ANGPT1: variants seen among roughly 807,000 people sequenced by gnomAD.
The protein encoded by ANGPT1 is angiopoietin 1.
ANGPT1 carries 17 observed loss-of-function variants against 62.2 expected under a neutral mutation model. The observed-to-expected ratio is 0.27, with a 90% CI of 0.19 to 0.41. The LOEUF is 0.41. Among genes scored for constraint, ANGPT1 ranks in the 10% least tolerant of loss-of-function variants. The probability of loss-of-function intolerance (pLI) is 1.00; values close to 1 mark genes in which losing one functional copy is unlikely to be tolerated. For missense variants in ANGPT1, 478 were observed against 594.9 expected, an observed-to-expected ratio of 0.80 and a Z score of 2.04; for synonymous variants, 199 against 198.9, an observed-to-expected ratio of 1.00 and a Z score of 0.00.
intron 1 of ANGPT1, among the ~76,000 whole-genome samples, chr8:107,378,906 G>A (rs71531250): frequency 0.14 from 19,861 of 146,764 alleles, 1,635 homozygotes; most frequent in Middle Eastern, 0.29. Context: ...GTGTGAAAAT[G>A]AACAAATATA....
At chr8:107,310,343 G>A (rs1403094377) in intron 4 of ANGPT1, among the ~76,000 whole-genome samples, 1 of 152,162 alleles carries the variant, frequency 6.6e-6, no homozygotes, top group East Asian at 1.9e-4. Context: ...CTTGTAAGTA[G>A]TAGAACTCTC....
chr8:107,280,446 G>A (rs1181706102), intron 7 of ANGPT1, among the ~76,000 whole-genome samples: 1 of 152,128 alleles, frequency 6.6e-6, no homozygotes, highest in East Asian at 1.9e-4. Context: ...GGAAGTGGAA[G>A]AAAGAAGCGC....
intron 1 of ANGPT1, among the ~76,000 whole-genome samples, chr8:107,434,028 A>G (rs1473846471): frequency 2.0e-5 from 3 of 152,236 alleles, no homozygotes; most frequent in African/African-American, 4.8e-5. Flanking sequence ...GTTTCAAAAT[A>G]TCATACTCAG....
At chr8:107,422,067 T>C (rs544178754) in intron 1 of ANGPT1, among the ~76,000 whole-genome samples, 2 of 152,262 alleles carry the variant, frequency 1.3e-5, no homozygotes, top group South Asian at 4.1e-4. Flanking sequence ...ACCTCTAAAA[T>C]TTACTAAAAT....
chr8:107,269,623 G>A (rs548071349), intron 7 of ANGPT1, among the ~76,000 whole-genome samples: 40 of 152,046 alleles, frequency 2.6e-4, no homozygotes, highest in African/African-American at 9.2e-4. Context: ...TGTAGACATG[G>A]CCTGTATGAA....
intron 6 of ANGPT1, among the ~76,000 whole-genome samples, chr8:107,293,545 T>A (rs1425149453): frequency 6.6e-6 from 1 of 152,142 alleles, no homozygotes; most frequent in Non-Finnish European, 1.5e-5. Flanking sequence ...CCAGCAACAA[T>A]TAGCCAGTTA....
At chr8:107,297,898 T>TA (rs1218738555) in intron 5 of ANGPT1, among the ~76,000 whole-genome samples, 2 of 151,700 alleles carry the variant, frequency 1.3e-5, no homozygotes, top group African/African-American at 2.4e-5. Flanking sequence ...GAAGGAAATT[T>TA]AAAAAAATAG....
At chr8:107,407,535 T>C (rs919822) in intron 1 of ANGPT1, among the ~76,000 whole-genome samples, 72,887 of 151,884 alleles carry the variant, frequency 0.48, 19,239 homozygotes, top group Middle Eastern at 0.6. Context: ...TACCTGGACC[T>C]CATTCAAGGG....
chr8:107,288,819 A>C (rs971088672), intron 6 of ANGPT1, among the ~76,000 whole-genome samples: 2 of 152,132 alleles, frequency 1.3e-5, no homozygotes, highest in African/African-American at 4.8e-5. Flanking sequence ...ATTCATATTC[A>C]TGCCTAAAAG....
At chr8:107,316,206 T>G (rs973916602) in intron 4 of ANGPT1, among the ~76,000 whole-genome samples, 1 of 152,186 alleles carries the variant, frequency 6.6e-6, no homozygotes, top group Non-Finnish European at 1.5e-5. Context: ...CATTTACCCC[T>G]GTTTAATATG....
chr8:107,376,580 T>C (rs1816535169), intron 1 of ANGPT1, among the ~76,000 whole-genome samples: 1 of 152,200 alleles, frequency 6.6e-6, no homozygotes, highest in South Asian at 2.1e-4. Flanking sequence ...GTTGGTTGGT[T>C]CAGGAGGAGG....
At position 107,290,117 on chromosome 8, in the gene ANGPT1, C is replaced by T. The variant is rs78087139; in HGVS notation, c.1038+3819G>A. On this transcript the variant is annotated intron_variant, in intron 6 of 8. Coordinates refer to ENST00000517746, the MANE Select transcript of ANGPT1 (RefSeq NM_001146.5). ...ATACTTGTAGGCTTAAAGCCAATGC[C>T]GAGAATCCAAAAAGTGGTAAACCTT... 6.1e-3 allele frequency among the ~76,000 whole-genome samples: 922 copies of T among 151,878 alleles called. 10 individuals are homozygous for T. Among genetic ancestry groups the T allele is most frequent in the African/African-American group, 0.021 (874 of 41,436 alleles).
intron 1 of ANGPT1, among the ~76,000 whole-genome samples, chr8:107,418,066 A>G (rs1038827412): frequency 2.0e-5 from 3 of 152,216 alleles, no homozygotes; most frequent in Non-Finnish European, 4.4e-5. Context: ...AGCCTCTTCA[A>G]GAGACTAAAG....
intron 1 of ANGPT1, among the ~76,000 whole-genome samples, chr8:107,369,210 G>A (rs1586262547): frequency 2.6e-5 from 4 of 152,218 alleles, no homozygotes; most frequent in Middle Eastern, 3.4e-3. Context: ...GCCCTTTTAT[G>A]TTATGAAAAT....
At chr8:107,438,255 C>G (rs889736085) in intron 1 of ANGPT1, among the ~76,000 whole-genome samples, 5 of 152,228 alleles carry the variant, frequency 3.3e-5, no homozygotes, top group Admixed American at 1.3e-4. Context: ...TCCTTTCCTT[C>G]TACCTCTTCT....
intron 1 of ANGPT1, among the ~76,000 whole-genome samples, chr8:107,355,198 C>T (rs528148798): frequency 2.6e-4 from 40 of 152,166 alleles, no homozygotes; most frequent in African/African-American, 8.7e-4. Context: ...CACTGTGCCT[C>T]GCCCTCTGCT....
intron 4 of ANGPT1, among the ~76,000 whole-genome samples, chr8:107,320,918 A>G (rs1291598706): frequency 6.6e-6 from 1 of 152,166 alleles, no homozygotes; most frequent in African/African-American, 2.4e-5. Flanking sequence ...TGTACATTGC[A>G]TATGCTCACT....
intron 1 of ANGPT1, among the ~76,000 whole-genome samples, chr8:107,481,084 C>T (rs571916977): frequency 6.6e-6 from 1 of 152,292 alleles, no homozygotes; most frequent in African/African-American, 2.4e-5. Flanking sequence ...TCCAGAGAAA[C>T]TTCAGCAGAG....
intron 1 of ANGPT1, among the ~76,000 whole-genome samples, chr8:107,480,527 A>T (rs1395718118): frequency 6.6e-6 from 1 of 152,204 alleles, no homozygotes; most frequent in Non-Finnish European, 1.5e-5. Context: ...GAAAATGTTG[A>T]AGATGAAGCC....
Sources: allele counts gnomAD v4.1 joint callset (sites outside exome capture counted in the v4.1 genomes callset), GRCh38; gene constraint gnomAD v4.1.1; transcripts MANE v1.5; gene names NCBI Gene and HGNC (gene_info 2026-07-23, HGNC 2026-07-21).